OSBPL8: variants seen among roughly 807,000 people sequenced by gnomAD.
OSBPL8 encodes oxysterol-binding protein-related protein 8.
OSBPL8 carries 59 observed loss-of-function variants against 125.5 expected under a neutral mutation model. The ratio of observed to expected loss-of-function variants is 0.47; its 90% CI spans 0.38 to 0.58. OSBPL8 has a LOEUF of 0.58. Among genes scored for constraint, OSBPL8 ranks in the 20% least tolerant of loss-of-function variants. The pLI, the probability that OSBPL8 is intolerant of heterozygous loss-of-function variation, is 0.00. For missense variants in OSBPL8, 758 were observed against 1,047.8 expected, an observed-to-expected ratio of 0.72 and a Z score of 3.82; for synonymous variants, 330 against 338.9, an observed-to-expected ratio of 0.97 and a Z score of 0.29.
At chr12:76,371,804 T>G in intron 18 of OSBPL8, 1 of 343,122 alleles carries the variant, frequency 2.9e-6, no homozygotes, top group East Asian at 5.2e-5. Context: ...TAAAAAGAAT[T>G]TGGTTGAATA....
rs527804982 is a variant in OSBPL8 at position 76,420,570 on chromosome 12, A to C, written c.218-9936T>G. On this transcript the variant is annotated intron_variant, in intron 4 of 23. Coordinates refer to ENST00000261183, the MANE Select transcript of OSBPL8 (RefSeq NM_020841.5). ...AAGGCAGAAGTGGCTAAAAGAAAAA[A>C]ATATTTTTTTCAGGAAAATTAAAAT... 5.3e-5 allele frequency among the ~76,000 whole-genome samples: 8 copies of C among 152,212 alleles called. No homozygotes were observed. In the South Asian group the frequency reaches 1.7e-3, roughly 32 times the overall value.
chr12:76,507,706 C>G (rs1488134697), intron 1 of OSBPL8, among the ~76,000 whole-genome samples: 1 of 151,306 alleles, frequency 6.6e-6, no homozygotes, highest in Non-Finnish European at 1.5e-5. Context: ...GCCTGTAATC[C>G]CAGCTACTCA....
intron 1 of OSBPL8, among the ~76,000 whole-genome samples, chr12:76,529,528 GAA>G (rs200831955): frequency 2.5e-5 from 3 of 117,794 alleles, no homozygotes; most frequent in Middle Eastern, 4.3e-3. Context: ...CTACCAAACA[GAA>G]AAAAAAAAAA....
At chr12:76,483,921 C>T (rs1052058111) in intron 2 of OSBPL8, among the ~76,000 whole-genome samples, 10 of 151,924 alleles carry the variant, frequency 6.6e-5, no homozygotes, top group East Asian at 1.9e-4. Flanking sequence ...GTGATCTGTA[C>T]GCCTCGGCCT....
chr12:76,403,002 A>G (rs1163097374), intron 5 of OSBPL8, among the ~76,000 whole-genome samples: 1 of 152,240 alleles, frequency 6.6e-6, no homozygotes, highest in African/African-American at 2.4e-5. Flanking sequence ...GTTAAATAAG[A>G]TCATCTGTAG....
At chr12:76,480,324 ATACT>A (rs1877333941) in intron 2 of OSBPL8, among the ~76,000 whole-genome samples, 1 of 152,216 alleles carries the variant, frequency 6.6e-6, no homozygotes, top group Non-Finnish European at 1.5e-5. Context: ...CGGACAGTAA[ATACT>A]TATGAATACA....
chr12:76,485,078 G>T (rs964896610), intron 2 of OSBPL8, among the ~76,000 whole-genome samples: 33 of 151,744 alleles, frequency 2.2e-4, no homozygotes, highest in Admixed American at 2.2e-3. Flanking sequence ...CTGCCACCAC[G>T]TCCGGCTAAT....
intron 6 of OSBPL8, among the ~76,000 whole-genome samples, 197 bp downstream of exon 6, chr12:76,402,492 T>C (rs1954090979): frequency 6.6e-6 from 1 of 152,196 alleles, no homozygotes; most frequent in African/African-American, 2.4e-5. Flanking sequence ...TCTGTGACAG[T>C]CATCAATCAA....
chr12:76,457,305 C>T (rs1270661055), intron 3 of OSBPL8, among the ~76,000 whole-genome samples: 1 of 152,098 alleles, frequency 6.6e-6, no homozygotes, highest in Non-Finnish European at 1.5e-5. Flanking sequence ...TTTTTCTCAA[C>T]TGGGAATGGC....
intron 1 of OSBPL8, among the ~76,000 whole-genome samples, chr12:76,502,476 G>A (rs1242668997): frequency 6.6e-6 from 1 of 152,176 alleles, no homozygotes; most frequent in Non-Finnish European, 1.5e-5. Context: ...GCTGGCTGAG[G>A]TGAGCGATCC....
intron 2 of OSBPL8, among the ~76,000 whole-genome samples, chr12:76,470,183 T>C (rs1875960177): frequency 6.6e-6 from 1 of 152,230 alleles, no homozygotes; most frequent in Non-Finnish European, 1.5e-5. Flanking sequence ...AATATGATTT[T>C]CACTTGTAAC....
At chr12:76,539,039 A>G (rs1344106892) in intron 1 of OSBPL8, among the ~76,000 whole-genome samples, 1 of 75,466 alleles carries the variant, frequency 1.3e-5, no homozygotes, top group Non-Finnish European at 2.4e-5. Flanking sequence ...AGAGCCTGCT[A>G]TTAAATAACT....
At chr12:76,384,994 T>C (rs1289117611) in intron 14 of OSBPL8, among the ~76,000 whole-genome samples, 1 of 152,212 alleles carries the variant, frequency 6.6e-6, no homozygotes. Context: ...ATACAGTGAT[T>C]AGTCTTCATA....
chr12:76,550,188 A>G (rs1166029000), intron 1 of OSBPL8, among the ~76,000 whole-genome samples: 1 of 152,212 alleles, frequency 6.6e-6, no homozygotes, highest in Non-Finnish European at 1.5e-5. Flanking sequence ...AGGAAGTCCT[A>G]TTCAAAAACT....
intron 1 of OSBPL8, among the ~76,000 whole-genome samples, chr12:76,524,414 A>G (rs760808800): frequency 6.6e-6 from 1 of 152,218 alleles, no homozygotes; most frequent in Non-Finnish European, 1.5e-5. Flanking sequence ...GGAAAACCAA[A>G]TAAGAGTAGT....
intron 2 of OSBPL8, among the ~76,000 whole-genome samples, chr12:76,472,567 G>T (rs1383775538): frequency 6.6e-6 from 1 of 152,180 alleles, no homozygotes. Context: ...AGACAAAGGG[G>T]CAGGGTAAGG....
chr12:76,482,062 G>A (rs1010067280), intron 2 of OSBPL8, among the ~76,000 whole-genome samples: 8 of 152,148 alleles, frequency 5.3e-5, no homozygotes, highest in African/African-American at 1.7e-4. Flanking sequence ...AAGAATTGCT[G>A]AACTAAATCA....
intron 4 of OSBPL8, among the ~76,000 whole-genome samples, chr12:76,426,416 A>G (rs144531938): frequency 5.3e-5 from 8 of 152,242 alleles, no homozygotes; most frequent in African/African-American, 1.7e-4. Context: ...CTTCAAACAC[A>G]CTCTCAACAG....
chr12:76,527,257 G>A (rs1411114161), intron 1 of OSBPL8, among the ~76,000 whole-genome samples: 1 of 151,600 alleles, frequency 6.6e-6, no homozygotes, highest in African/African-American at 2.4e-5. Context: ...GGTGGGGGGG[G>A]ATTGTGCAAC....
Sources: gnomAD v4.1 joint callset for allele counts (sites outside exome capture counted in the v4.1 genomes callset) on GRCh38, gnomAD v4.1.1 for gene constraint, MANE v1.5 for transcripts, NCBI Gene and HGNC (gene_info 2026-07-23, HGNC 2026-07-21) for gene names.